Variants in AFG2A observed in about 807,000 individuals in gnomAD.
AFG2A encodes the protein ATPase family gene 2 protein homolog A.
chr4:123,259,807 T>A, the AFG2A span: 4 of 152,356 alleles, frequency 2.6e-5, no homozygotes, highest in East Asian at 7.7e-4. Context: ...TTACCCCATA[T>A]GCCCTATGCT....
the AFG2A span, among the ~76,000 whole-genome samples, chr4:123,263,713 G>C: frequency 6.6e-6 from 1 of 152,120 alleles, no homozygotes; most frequent in Admixed American, 6.5e-5. Context: ...AAAAATAATA[G>C]ATGTTGGCGT....
chr4:123,132,513 A>G, the AFG2A span, among the ~76,000 whole-genome samples: 1 of 151,044 alleles, frequency 6.6e-6, no homozygotes, highest in South Asian at 2.1e-4. Flanking sequence ...GTGTATACAT[A>G]TATGTACATT....
At chr4:122,940,108 T>C in the AFG2A span, among the ~76,000 whole-genome samples, 2 of 152,176 alleles carry the variant, frequency 1.3e-5, no homozygotes, top group African/African-American at 4.8e-5. Context: ...GCATGTGTCT[T>C]TATAGCAGCA....
At chr4:123,255,959 G>A in the AFG2A span, 2 of 1,595,460 alleles carry the variant, frequency 1.3e-6, no homozygotes, top group Non-Finnish European at 1.7e-6. Context: ...AGGTATCTTT[G>A]AGATGGAATG....
the AFG2A span, among the ~76,000 whole-genome samples, chr4:123,268,588 C>CTGT: frequency 6.6e-6 from 1 of 152,158 alleles, no homozygotes; most frequent in Non-Finnish European, 1.5e-5. Context: ...ACAGCAGAAG[C>CTGT]TGTACGACAG....
At chr4:123,061,615 C>G in the AFG2A span, among the ~76,000 whole-genome samples, 2 of 152,188 alleles carry the variant, frequency 1.3e-5, no homozygotes, top group Admixed American at 1.3e-4. Flanking sequence ...CTGCCCTTGA[C>G]ACATGGGGAT....
At chr4:123,058,709 ATTCAG>A in the AFG2A span, among the ~76,000 whole-genome samples, 1 of 149,102 alleles carries the variant, frequency 6.7e-6, no homozygotes, top group African/African-American at 2.4e-5. Context: ...CACCCCCATG[ATTCAG>A]TTAATCTCCC....
At chr4:123,055,517 G>A in the AFG2A span, among the ~76,000 whole-genome samples, 1 of 152,122 alleles carries the variant, frequency 6.6e-6, no homozygotes, top group Non-Finnish European at 1.5e-5. Flanking sequence ...TTAACATTCT[G>A]CTAGGGTTTG....
the AFG2A span, chr4:123,056,318 A>G: frequency 4.2e-6 from 6 of 1,429,428 alleles, no homozygotes; most frequent in Non-Finnish European, 4.7e-6. Context: ...TATTTTTTCT[A>G]CTTCATTGGA....
At chr4:123,147,657 A>T in the AFG2A span, among the ~76,000 whole-genome samples, 5 of 152,116 alleles carry the variant, frequency 3.3e-5, no homozygotes, top group Non-Finnish European at 7.4e-5. Flanking sequence ...TTTTTTTAGA[A>T]ATTGAAATAG....
chr4:123,292,083 T>C, the AFG2A span, among the ~76,000 whole-genome samples: 5 of 152,316 alleles, frequency 3.3e-5, no homozygotes, highest in African/African-American at 9.6e-5. Context: ...TGTTTCATTA[T>C]CTTTTTCTGA....
the AFG2A span, among the ~76,000 whole-genome samples, chr4:123,181,307 A>G: frequency 1.6e-3 from 247 of 151,594 alleles, no homozygotes; most frequent in Non-Finnish European, 2.6e-3. Flanking sequence ...TTTTTTTTAC[A>G]GCCCTTTAAA....
At chr4:123,128,039 GA>G in the AFG2A span, among the ~76,000 whole-genome samples, 1 of 152,120 alleles carries the variant, frequency 6.6e-6, no homozygotes, top group East Asian at 1.9e-4. Context: ...AGAAGATTCT[GA>G]AAAACTGTCT....
At chr4:122,934,256 C>G in the AFG2A span, 1 of 1,614,120 alleles carries the variant, frequency 6.2e-7, no homozygotes, top group East Asian at 2.2e-5. Flanking sequence ...TTTGAACAGT[C>G]CAGCATGGAA....
At chr4:123,118,183 C>A in the AFG2A span, among the ~76,000 whole-genome samples, 1 of 150,676 alleles carries the variant, frequency 6.6e-6, no homozygotes, top group South Asian at 2.1e-4. Flanking sequence ...GTTCCTTCTA[C>A]CACTGTACCC....
the AFG2A span, among the ~76,000 whole-genome samples, chr4:123,078,728 C>T: frequency 6.6e-6 from 1 of 152,112 alleles, no homozygotes; most frequent in African/African-American, 2.4e-5. Context: ...CTAGGACCCA[C>T]AGAGATTGAC....
chr4:123,177,660 A>G, the AFG2A span, among the ~76,000 whole-genome samples: 187 of 152,174 alleles, frequency 1.2e-3, 1 homozygote, highest in Non-Finnish European at 2.3e-3. Flanking sequence ...TATTAACAGC[A>G]TAGATTCTTT....
the AFG2A span, among the ~76,000 whole-genome samples, chr4:123,222,719 A>G: frequency 3.9e-5 from 6 of 152,136 alleles, no homozygotes; most frequent in Admixed American, 6.6e-5. Context: ...GCACCTGGTA[A>G]CCATCTTTCT....
the AFG2A span, among the ~76,000 whole-genome samples, chr4:123,040,137 GTTA>G: frequency 6.6e-6 from 1 of 151,898 alleles, no homozygotes; most frequent in East Asian, 1.9e-4. Flanking sequence ...AGAAGAAGTT[GTTA>G]TTGTTATTGG....
Sources: allele counts gnomAD v4.1 joint callset (sites outside exome capture counted in the v4.1 genomes callset), GRCh38; gene constraint gnomAD v4.1.1; transcripts MANE v1.5; gene names NCBI Gene and HGNC (gene_info 2026-07-23, HGNC 2026-07-21).